GTF2F2: variants seen among roughly 807,000 people sequenced by gnomAD.
The protein encoded by GTF2F2 is ATP-dependent helicase GTF2F2.
Under a neutral mutation model 42.2 loss-of-function variants are expected in GTF2F2, and 23 were observed. That is an observed-to-expected ratio of 0.55 (90% CI 0.39 to 0.77). The LOEUF is 0.77. Ranked by LOEUF, GTF2F2 falls within the 30% of genes least tolerant of loss-of-function variation. The probability of loss-of-function intolerance (pLI) is 0.00; values close to 1 mark genes in which losing one functional copy is unlikely to be tolerated. For synonymous variants in GTF2F2, 105 were observed against 100.8 expected (o/e 1.04, Z -0.25); for missense variants, 261 against 287.2 (o/e 0.91, Z 0.66).
At chr13:45,210,036 C>G (rs1041143087) in intron 5 of GTF2F2, among the ~76,000 whole-genome samples, 1 of 152,172 alleles carries the variant, frequency 6.6e-6, no homozygotes, top group Non-Finnish European at 1.5e-5. Context: ...TACCAGAGTT[C>G]CTGCTTCCAC....
intron 7 of GTF2F2, among the ~76,000 whole-genome samples, chr13:45,280,583 A>AAAGGG: frequency 6.6e-6 from 1 of 152,170 alleles, no homozygotes; most frequent in East Asian, 1.9e-4. Context: ...TGAGAAATTG[A>AAAGGG]CTGACTATGG....
At chr13:45,211,374 GT>G (rs370469537) in intron 5 of GTF2F2, among the ~76,000 whole-genome samples, 350 of 136,768 alleles carry the variant, frequency 2.6e-3, no homozygotes, top group South Asian at 0.017. Flanking sequence ...AATTTTTTTT[GT>G]TTTTTTTTTT....
At chr13:45,145,971 C>G in intron 2 of GTF2F2, among the ~76,000 whole-genome samples, 1 of 152,122 alleles carries the variant, frequency 6.6e-6, no homozygotes, top group East Asian at 1.9e-4. Flanking sequence ...TCTCACCCGC[C>G]AGGCTCTGAC....
At chr13:45,242,456 T>C (rs1408583896) in intron 5 of GTF2F2, among the ~76,000 whole-genome samples, 1 of 152,152 alleles carries the variant, frequency 6.6e-6, no homozygotes, top group Non-Finnish European at 1.5e-5. Context: ...CACATTCTTT[T>C]GTAGAACCTA....
intron 4 of GTF2F2, among the ~76,000 whole-genome samples, chr13:45,199,954 G>C (rs1873093332): frequency 6.6e-6 from 1 of 152,152 alleles, no homozygotes; most frequent in Admixed American, 6.6e-5. Flanking sequence ...AGCAAATGTG[G>C]TTTCTTACAG....
At chr13:45,133,286 A>T (rs1156732979) in intron 1 of GTF2F2, among the ~76,000 whole-genome samples, 1 of 152,148 alleles carries the variant, frequency 6.6e-6, no homozygotes, top group Non-Finnish European at 1.5e-5. Flanking sequence ...TTGGGAGTCA[A>T]AGTGAGGTGG....
intron 6 of GTF2F2, among the ~76,000 whole-genome samples, chr13:45,262,558 G>A (rs766655717): frequency 6.6e-6 from 1 of 151,656 alleles, no homozygotes; most frequent in Admixed American, 6.6e-5. Context: ...CTCCCAAGGA[G>A]CTTGGACTAC....
intron 1 of GTF2F2, among the ~76,000 whole-genome samples, chr13:45,132,742 G>A (rs1869429951): frequency 6.6e-6 from 1 of 151,918 alleles, no homozygotes; most frequent in Admixed American, 6.6e-5. Context: ...ATTGTGGCTA[G>A]GTGGTAGATG....
intron 4 of GTF2F2, chr13:45,193,747 G>A: frequency 1.3e-6 from 2 of 1,532,370 alleles, no homozygotes; most frequent in African/African-American, 1.4e-5. Flanking sequence ...TCCGAAGCTT[G>A]CTGGCTGCAT....
In GTF2F2 at chr13:45,248,335, C is replaced by T. The variant is rs1004971711; in HGVS notation, c.387-4536C>T. On this transcript the variant is annotated intron_variant, in intron 5 of 7. Transcript: ENST00000340473. ...ACTTTCTCTATGTCTATGGGGAACACCAGAAGGCATGGTTAGTCCTGGCAT... is the reference window on the plus strand; with the variant it reads ...ACTTTCTCTATGTCTATGGGGAACATCAGAAGGCATGGTTAGTCCTGGCAT... Among the ~76,000 whole-genome samples the T allele has an allele frequency of 5.3e-5, 8 of 152,184 alleles. No homozygotes were observed. In the East Asian group the frequency reaches 1.5e-3, roughly 29 times the overall value.
chr13:45,274,407 A>G lies in GTF2F2; in HGVS notation c.630+7031A>G, dbSNP rs531997456. ...AGTGACGCAGTCTTGGCTCACTGCA[A>G]CGTCCGCCTCCCAGGTTCAGGCAAT... On this transcript the variant is annotated intron_variant, in intron 7 of 7. Coordinates refer to ENST00000340473, the MANE Select transcript of GTF2F2 (RefSeq NM_004128.3). 6.2e-5 allele frequency among the ~76,000 whole-genome samples: 9 copies of G among 145,982 alleles called. No individual in the cohort carries two copies. The South Asian group carries it at 1.9e-3, about 31-fold the overall frequency.
intron 4 of GTF2F2, chr13:45,194,592 G>A (rs1297762404): frequency 6.3e-7 from 1 of 1,588,562 alleles, no homozygotes; most frequent in East Asian, 2.2e-5. Flanking sequence ...ATTTCAGCTT[G>A]TTCTTCTTGG....
At chr13:45,194,059 G>A (rs1872765752) in intron 4 of GTF2F2, 1 of 1,614,134 alleles carries the variant, frequency 6.2e-7, no homozygotes, top group Non-Finnish European at 8.5e-7. Flanking sequence ...AACAATGCGA[G>A]ACTTTATTTT....
intron 7 of GTF2F2, among the ~76,000 whole-genome samples, chr13:45,272,922 AT>A (rs748355143): frequency 6.4e-4 from 62 of 96,314 alleles, no homozygotes; most frequent in East Asian, 1.3e-3. Context: ...CACCTGGCTA[AT>A]TTTTTTTTTT....
chr13:45,217,859 T>TA (rs1873955880), intron 5 of GTF2F2, among the ~76,000 whole-genome samples: 1 of 152,224 alleles, frequency 6.6e-6, no homozygotes, highest in Non-Finnish European at 1.5e-5. Flanking sequence ...CTTTTTCCCC[T>TA]TAGCAATGTC....
intron 4 of GTF2F2, among the ~76,000 whole-genome samples, chr13:45,166,330 G>A (rs1263724497): frequency 1.3e-5 from 2 of 152,106 alleles, no homozygotes; most frequent in Non-Finnish European, 2.9e-5. Context: ...AAGTCACCAT[G>A]GATTGCAGTT....
chr13:45,277,737 A>G (rs1307326735), intron 7 of GTF2F2, among the ~76,000 whole-genome samples: 1 of 152,250 alleles, frequency 6.6e-6, no homozygotes, highest in East Asian at 1.9e-4. Context: ...AAAATCATGT[A>G]AAGATGAAAT....
intron 2 of GTF2F2, among the ~76,000 whole-genome samples, chr13:45,141,470 C>T (rs1473432391): frequency 3.3e-5 from 5 of 152,130 alleles, no homozygotes; most frequent in Non-Finnish European, 5.9e-5. Context: ...ATTAATAGTG[C>T]CCCCTTTTCC....
intron 4 of GTF2F2, among the ~76,000 whole-genome samples, chr13:45,192,471 A>G (rs1872697912): frequency 6.6e-6 from 1 of 152,160 alleles, no homozygotes; most frequent in Non-Finnish European, 1.5e-5. Context: ...ACCTCAGTCA[A>G]GATTTTCAGA....
Sources: allele counts gnomAD v4.1 joint callset (sites outside exome capture counted in the v4.1 genomes callset), GRCh38; gene constraint gnomAD v4.1.1; transcripts MANE v1.5; gene names NCBI Gene and HGNC (gene_info 2026-07-23, HGNC 2026-07-21).